The following PRR14L variants were observed in gnomAD, a reference collection of about 807,000 sequenced individuals.
The protein encoded by PRR14L is proline rich 14 like, also known as protein PRR14L.
In PRR14L, 80 loss-of-function variants were observed where a neutral mutation model predicts 155.0. The ratio of observed to expected loss-of-function variants is 0.52; its 90% CI spans 0.43 to 0.62. The LOEUF is 0.62. PRR14L is among the 20% of genes least tolerant of loss of function. The probability of loss-of-function intolerance (pLI) is 0.00; values close to 1 mark genes in which losing one functional copy is unlikely to be tolerated. For missense variants in PRR14L, 2,469 were observed against 2,548.0 expected, an observed-to-expected ratio of 0.97 and a Z score of 0.67; for synonymous variants, 883 against 916.0, an observed-to-expected ratio of 0.96 and a Z score of 0.65.
rs749159031 is a variant in PRR14L at position 31,715,831 on chromosome 22, A to T, written c.2008T>A (p.Ser670Thr). 1.9e-6 allele frequency: 3 copies of T among 1,551,620 alleles called. No individual in the cohort carries two copies. Among genetic ancestry groups the T allele is most frequent in the Non-Finnish European group, 1.7e-6 (2 of 1,146,934 alleles). The change falls in exon 4 of 9, where the codon TCT (serine) becomes ACT (threonine). Residue 670 changes from serine to threonine, a missense_variant. Physicochemically the swap from Ser to Thr is moderately conservative, Grantham distance 58 (BLOSUM62 1). This residue lies in a region of PRR14L where 2,363 missense variants were observed against 2,371.6 expected (regional missense o/e 1.00). Transcript: ENST00000327423. The part of the protein sequence containing the change: ...SQEHANLPTD[S>T]LLHLNKEMPL... ...ATCTCTTTGTTTAAATGCAGTAGAG[A>T]GTCAGTTGGCAAATTTGCATGTTCT...
At chr22:31,726,143 T>TA (rs201628522) in intron 2 of PRR14L, among the ~76,000 whole-genome samples, 4 of 151,628 alleles carry the variant, frequency 2.6e-5, no homozygotes, top group Non-Finnish European at 4.4e-5. Context: ...AACAGAGGTC[T>TA]AAAAAAAACT....
rs530293912 is a variant in PRR14L, at chr22:31,710,064, T to C, written c.5756+2019A>G. 8.4e-4 allele frequency among the ~76,000 whole-genome samples: 127 copies of C among 152,020 alleles called. 1 individual carries two copies. In the South Asian group the frequency reaches 0.025, roughly 30 times the overall value. Reference sequence around the variant, plus strand: ...CAAGCAATCTTCCCATCTCAGCCTTTTGAGTAGCTGGGACTACAGGCATAC... The same window carrying C: ...CAAGCAATCTTCCCATCTCAGCCTTCTGAGTAGCTGGGACTACAGGCATAC... On this transcript the variant is annotated intron_variant, in intron 4 of 8. Transcript: ENST00000327423.
At chr22:31,689,841 G>T (rs2074502354) in intron 7 of PRR14L, among the ~76,000 whole-genome samples, 1 of 152,150 alleles carries the variant, frequency 6.6e-6, no homozygotes, top group Non-Finnish European at 1.5e-5. Context: ...CCACCACCCG[G>T]GTTCAAGCGA....
In PRR14L at chr22:31,717,026, T is replaced by C; in HGVS notation, c.813A>G (p.Glu271=). The change falls in exon 4 of 9, where the codon GAA becomes GAG. Residue 271 remains glutamate, a synonymous_variant. Transcript: ENST00000327423. ...VLTEATPKEK[E]CEELKSCPWL... is the part of the protein sequence containing the mutation. ...AAGGACAACTTTTTAATTCTTCACA[T>C]TCTTTTTCTTTAGGAGTTGCTTCTG... 6.4e-7 allele frequency: 1 copy of C among 1,551,812 alleles called. No individual in the cohort carries two copies. Among genetic ancestry groups the C allele is most frequent in the African/African-American group, 1.4e-5 (1 of 73,184 alleles).
At chr22:31,699,769 G>C (rs2074553734) in intron 7 of PRR14L, among the ~76,000 whole-genome samples, 2 of 151,960 alleles carry the variant, frequency 1.3e-5, no homozygotes, top group African/African-American at 4.8e-5. Context: ...CAGGAAGAAT[G>C]ATTTGCTTGA....
chr22:31,698,851 G>A (rs1223099605), intron 7 of PRR14L, among the ~76,000 whole-genome samples: 3 of 151,224 alleles, frequency 2.0e-5, no homozygotes, highest in African/African-American at 7.3e-5. Context: ...GAACCTGGGA[G>A]GCGGAGCTTG....
chr22:31,690,096 T>C (rs548487042), intron 7 of PRR14L, among the ~76,000 whole-genome samples: 2 of 152,262 alleles, frequency 1.3e-5, no homozygotes, highest in South Asian at 4.1e-4. Flanking sequence ...TTTGTATTTT[T>C]AGTAGAGATA....
At chr22:31,721,857 ATGGTAATTTGATAGTACTGACAG>A (rs1369536450) in intron 3 of PRR14L, among the ~76,000 whole-genome samples, 1 of 152,200 alleles carries the variant, frequency 6.6e-6, no homozygotes, top group Non-Finnish European at 1.5e-5. Context: ...CTGGAATACC[ATGGTAATTTGATAGTACTGACAG>A]TGGGACATTT....
intron 4 of PRR14L, among the ~76,000 whole-genome samples, chr22:31,710,411 C>T (rs183540106): frequency 6.6e-6 from 1 of 151,744 alleles, no homozygotes; most frequent in Admixed American, 6.6e-5. Flanking sequence ...TAAATAATTA[C>T]AAAGAGGAGA....
chr22:31,711,466 T>C (rs990386113), intron 4 of PRR14L, among the ~76,000 whole-genome samples: 3 of 149,866 alleles, frequency 2.0e-5, no homozygotes, highest in African/African-American at 7.4e-5. Flanking sequence ...AATGAGACTG[T>C]TTCAAAAAAT....
At chr22:31,730,211 G>A (rs984178807) in intron 2 of PRR14L, among the ~76,000 whole-genome samples, 9 of 151,916 alleles carry the variant, frequency 5.9e-5, no homozygotes, top group Admixed American at 2.0e-4. Context: ...AGGCCAAGGC[G>A]GGTGGATCAC....
rs1350514476 is a variant in PRR14L, at chr22:31,681,804, T to C, written c.*3723A>G. On this transcript the variant is annotated 3_prime_UTR_variant, in exon 9 of 9. Coordinates refer to ENST00000327423, the MANE Select transcript of PRR14L (RefSeq NM_173566.3). ...GGTTTTTATACAGTAAGTTCAGTTG[T>C]GGCAAGGAGCCCTTTTCTGACACGA... 1 of 152,204 alleles carries C rather than the reference T, an allele frequency of 6.6e-6. No individual in the cohort carries two copies. The highest frequency in any genetic ancestry group is 1.5e-5 in the Non-Finnish European group (1 of 68,044). The allele number at this position is 152,204 out of a possible 1,614,324, so 9.4% of individuals were successfully genotyped here. A position where few individuals can be genotyped will look rare whatever the true frequency, so the allele number is the denominator to read the frequency against.
intron 1 of PRR14L, among the ~76,000 whole-genome samples, chr22:31,744,650 CA>C (rs1162313035): frequency 6.6e-5 from 10 of 152,258 alleles, no homozygotes; most frequent in Middle Eastern, 3.4e-3. Flanking sequence ...AATCCCCAGC[CA>C]TAACCATATC....
rs1216544288 is a variant in PRR14L at position 31,701,723 on chromosome 22, G to C, written c.6040C>G (p.Arg2014Gly). The change falls in exon 7 of 9, where the codon CGC becomes GGC. Residue 2014 changes from arginine (R) to glycine (G), a missense_variant. By Grantham distance (125) the Arg-to-Gly change is moderately radical. Around this residue, in one of 2 missense-constraint regions of PRR14L, gnomAD observed 106 missense variants for 176.4 expected, o/e 0.60. Transcript: ENST00000327423. Reference sequence around the variant, plus strand: ...GGCCTAGGAATGGTTTTCCGGATGCGAATCTGTGAGACTTTCTTTGGCCTC... The same window carrying C: ...GGCCTAGGAATGGTTTTCCGGATGCCAATCTGTGAGACTTTCTTTGGCCTC... ...EKRPKKVSQI[R>G]IRKTIPRPDP... 6.2e-7 allele frequency: 1 copy of C among 1,614,066 alleles called. No individual in the cohort carries two copies. The highest frequency in any genetic ancestry group is 8.5e-7 in the Non-Finnish European group (1 of 1,179,924).
chr22:31,700,578 C>T (rs987640064), intron 7 of PRR14L, among the ~76,000 whole-genome samples: 4 of 152,012 alleles, frequency 2.6e-5, no homozygotes, highest in Admixed American at 6.6e-5. Flanking sequence ...TTTTTTGAGA[C>T]GGAGTTTCAT....
chr22:31,719,483 G>A (rs1277735789), intron 3 of PRR14L, among the ~76,000 whole-genome samples: 3 of 152,016 alleles, frequency 2.0e-5, no homozygotes, highest in African/African-American at 4.8e-5. Flanking sequence ...AACTCTGTGA[G>A]GGTAAGGATC....
chr22:31,718,713 CAT>C lies in PRR14L; in HGVS notation c.548-1424_548-1423del, dbSNP rs570197376. On this transcript the variant is annotated intron_variant, in intron 3 of 8. Coordinates refer to ENST00000327423, the MANE Select transcript of PRR14L (RefSeq NM_173566.3). Reference sequence around the variant, plus strand: ...ACACATGAACATGGGTATATGTACACATGATTTTATATATATATATAAAAAAC... The same window carrying C: ...ACACATGAACATGGGTATATGTACACGATTTTATATATATATATAAAAAAC... 1.9e-4 allele frequency among the ~76,000 whole-genome samples: 29 copies of C among 152,092 alleles called. No homozygotes were observed. In the South Asian group the frequency reaches 5.2e-3, roughly 27 times the overall value.
rs371552613 is a variant in PRR14L, at chr22:31,735,922, A to G, written c.474+2465T>C. Among the ~76,000 whole-genome samples, 11 of 150,848 alleles carry G rather than the reference A, an allele frequency of 7.3e-5. No individual in the cohort carries two copies. The East Asian group carries it at 1.9e-3, about 27-fold the overall frequency. ...CAAAAAATTAGCCGGGCATGGTGGCAGGCACCTGTAGTCCCAGCTACTCAG... is the reference window on the plus strand; with the variant it reads ...CAAAAAATTAGCCGGGCATGGTGGCGGGCACCTGTAGTCCCAGCTACTCAG... On this transcript the variant is annotated intron_variant, in intron 2 of 8. Coordinates refer to ENST00000327423, the MANE Select transcript of PRR14L (RefSeq NM_173566.3).
chr22:31,714,799 C>A lies in PRR14L; in HGVS notation c.3040G>T (p.Asp1014Tyr). Residue 1014 changes from aspartate (D) to tyrosine (Y), a missense_variant, in exon 4 of 9, where the codon GAT becomes TAT. Transcript: ENST00000327423. ...PHGEVNHNQK[D>Y]LLVSSGSNNS... Reference sequence around the variant, plus strand: ...TTACTGCCTGAGCTGACCAGCAGATCCTTTTGGTTGTGGTTTACCTCCCCG... The same window carrying A: ...TTACTGCCTGAGCTGACCAGCAGATACTTTTGGTTGTGGTTTACCTCCCCG... The A allele has an allele frequency of 6.4e-7, 1 of 1,552,276 alleles. No homozygotes were observed. Among genetic ancestry groups the A allele is most frequent in the Non-Finnish European group, 8.7e-7 (1 of 1,147,130 alleles).
Sources: allele counts gnomAD v4.1 joint callset (sites outside exome capture counted in the v4.1 genomes callset), GRCh38; gene constraint gnomAD v4.1.1; regional missense constraint gnomAD v4.1.1; transcripts MANE v1.5; gene names NCBI Gene and HGNC (gene_info 2026-07-23, HGNC 2026-07-21).